The following PPP6R3 variants were observed in gnomAD, a reference collection of about 807,000 sequenced individuals.
PPP6R3 encodes the protein protein phosphatase 6 regulatory subunit 3.
In PPP6R3, 38 loss-of-function variants were observed where a neutral mutation model predicts 110.7. That is an observed-to-expected ratio of 0.34 (90% confidence interval 0.26 to 0.45). PPP6R3 has a LOEUF of 0.45. Among genes scored for constraint, PPP6R3 ranks in the 20% least tolerant of loss-of-function variants. The probability of loss-of-function intolerance (pLI) is 1.00; values close to 1 mark genes in which losing one functional copy is unlikely to be tolerated. For missense variants in PPP6R3, 870 were observed against 1,062.4 expected, an observed-to-expected ratio of 0.82 and a Z score of 2.52; for synonymous variants, 369 against 373.5, an observed-to-expected ratio of 0.99 and a Z score of 0.14.
intron 2 of PPP6R3, among the ~76,000 whole-genome samples, chr11:68,521,385 T>G (rs2099163551): frequency 6.6e-6 from 1 of 152,224 alleles, no homozygotes; most frequent in Non-Finnish European, 1.5e-5. Flanking sequence ...ATTTGAGACT[T>G]TCCTTCTCTC....
chr11:68,493,845 G>A (rs545818713), intron 1 of PPP6R3, among the ~76,000 whole-genome samples: 5 of 151,568 alleles, frequency 3.3e-5, no homozygotes, highest in Non-Finnish European at 5.9e-5. Flanking sequence ...GCTCCTGCCT[G>A]TAATCTCAGC....
intron 1 of PPP6R3, among the ~76,000 whole-genome samples, chr11:68,481,949 G>A (rs2098916440): frequency 6.6e-6 from 1 of 152,128 alleles, no homozygotes; most frequent in South Asian, 2.1e-4. Context: ...GGCCATAGCG[G>A]TTAGGAAGAG....
chr11:68,490,583 T>G (rs115794859), intron 1 of PPP6R3, among the ~76,000 whole-genome samples: 189 of 152,274 alleles, frequency 1.2e-3, no homozygotes, highest in African/African-American at 4.2e-3. Context: ...CCATCACATA[T>G]GTTATACCTT....
At chr11:68,589,771 A>G (rs950847445) in intron 16 of PPP6R3, among the ~76,000 whole-genome samples, 2 of 152,228 alleles carry the variant, frequency 1.3e-5, no homozygotes, top group African/African-American at 4.8e-5. Flanking sequence ...GTGAGAAGCT[A>G]AAATATTTTT....
chr11:68,571,214 C>T (rs1396952170), intron 12 of PPP6R3, 110 bp downstream of exon 12: 2 of 1,328,280 alleles, frequency 1.5e-6, no homozygotes, highest in East Asian at 5.6e-5. Flanking sequence ...TGATACTGGC[C>T]ATTTTACAAT....
At chr11:68,570,969 A>G in intron 11 of PPP6R3, 71 bp from the exon 12 acceptor site, 2 of 1,522,532 alleles carry the variant, frequency 1.3e-6, no homozygotes, top group Non-Finnish European at 1.8e-6. Flanking sequence ...TCTTTAACCT[A>G]GAGTTCTGTT....
chr11:68,511,113 G>T (rs900068317), intron 1 of PPP6R3, among the ~76,000 whole-genome samples: 2 of 151,168 alleles, frequency 1.3e-5, no homozygotes, highest in Non-Finnish European at 2.9e-5. Context: ...TGTCGCCCAG[G>T]CTGGAGTGCA....
At chr11:68,568,850 C>T (rs1198333495) in intron 10 of PPP6R3, among the ~76,000 whole-genome samples, 9 of 151,996 alleles carry the variant, frequency 5.9e-5, no homozygotes, top group African/African-American at 1.7e-4. Context: ...CTGCAAGCTC[C>T]GCCTCCTGGG....
rs546160499 is a variant in PPP6R3, at chr11:68,609,351, C to T, written c.2451-553C>T. 153 of 652,442 alleles carry T rather than the reference C, an allele frequency of 2.3e-4. 1 individual carries two copies. The highest frequency in any genetic ancestry group is 3.7e-4 in the Non-Finnish European group (132 of 360,668). 40.4% of individuals were successfully genotyped at this position (652,442 alleles called of 1,614,324 possible). On this transcript the variant is annotated intron_variant, in intron 22 of 23. Coordinates refer to ENST00000393800, the MANE Select transcript of PPP6R3 (RefSeq NM_001164161.2). ...GCCGTGAAATCCGATGCAGTCAACA[C>T]GGTGACCTCATGTGACTGAGGCTTC...
chr11:68,588,466 C>CT (rs940970123), intron 16 of PPP6R3, among the ~76,000 whole-genome samples: 13 of 151,776 alleles, frequency 8.6e-5, no homozygotes, highest in Admixed American at 5.3e-4. Flanking sequence ...GACGTGGTCC[C>CT]TTTTTTTTGG....
chr11:68,463,355 G>GAAAAAAAAAAAAAAA lies in PPP6R3; in HGVS notation c.-158+2536_-158+2550dup, dbSNP rs1156285158. Among the ~76,000 whole-genome samples the GAAAAAAAAAAAAAAA allele has an allele frequency of 2.1e-3, 115 of 54,556 alleles. 7 individuals are homozygous for GAAAAAAAAAAAAAAA. The highest frequency in any genetic ancestry group is 4.5e-3 in the East Asian group (7 of 1,548). 35.8% of individuals were successfully genotyped at this position (54,556 alleles called of 152,430 possible). On this transcript the variant is annotated intron_variant, in intron 1 of 23. Transcript: ENST00000393800. ...GGAGACAGAGCGAGACTCAGTCTCAGAAAAAAAAAAAAAAAAAAAAAAGAT... is the reference window on the plus strand; with the variant it reads ...GGAGACAGAGCGAGACTCAGTCTCAGAAAAAAAAAAAAAAAAAAAAAAAAAAAAAAAAAAAAAGAT...
At chr11:68,523,997 C>G (rs2099181370) in intron 2 of PPP6R3, among the ~76,000 whole-genome samples, 1 of 152,132 alleles carries the variant, frequency 6.6e-6, no homozygotes, top group Admixed American at 6.5e-5. Context: ...AGCTCCATGT[C>G]AGCCCAAATG....
At chr11:68,475,883 G>A (rs1238610282) in intron 1 of PPP6R3, among the ~76,000 whole-genome samples, 15 of 150,058 alleles carry the variant, frequency 1.0e-4, no homozygotes, top group East Asian at 2.0e-4. Flanking sequence ...GGGCAGAGGC[G>A]CTCTCCACAT....
intron 1 of PPP6R3, among the ~76,000 whole-genome samples, chr11:68,516,603 C>T (rs1301218899): frequency 6.6e-6 from 1 of 152,208 alleles, no homozygotes; most frequent in African/African-American, 2.4e-5. Context: ...TGTTGATGGA[C>T]ACTTGGGTTG....
chr11:68,510,495 T>C (rs1215191539), intron 1 of PPP6R3, among the ~76,000 whole-genome samples: 1 of 152,026 alleles, frequency 6.6e-6, no homozygotes, highest in Non-Finnish European at 1.5e-5. Flanking sequence ...CTACCATGCT[T>C]GGCTGATTTT....
rs1437063709 is a variant in PPP6R3, at chr11:68,508,532, A to C, written c.-157-10969A>C. Among the ~76,000 whole-genome samples, 76 of 152,316 alleles carry C rather than the reference A, an allele frequency of 5.0e-4. No individual in the cohort carries two copies. In the South Asian group the frequency reaches 0.014, roughly 29 times the overall value. On this transcript the variant is annotated intron_variant, in intron 1 of 23. Transcript: ENST00000393800. ...AACAGGGATGATAATAATAGGATGG[A>C]AAAGTACTTGCACAGTGCCAGCGCA... is the stretch of plus-strand genomic sequence containing the variant.
chr11:68,499,824 C>T (rs2099038833), intron 1 of PPP6R3, among the ~76,000 whole-genome samples: 2 of 152,096 alleles, frequency 1.3e-5, no homozygotes, highest in African/African-American at 2.4e-5. Context: ...CCTCCCACCT[C>T]GGCCCTCCAA....
chr11:68,612,566 T>G (rs1944061565), intron 23 of PPP6R3, among the ~76,000 whole-genome samples: 1 of 151,356 alleles, frequency 6.6e-6, no homozygotes, highest in Admixed American at 6.6e-5. Context: ...GTTCTTCAAG[T>G]GGACACCTTT....
In PPP6R3 at chr11:68,614,439, T is replaced by G; in HGVS notation, c.*1322T>G. Reference sequence around the variant, plus strand: ...AGTTTTTCATTTCTGTAATAGAAAATTATTCACGTATTTTTACATCATTTG... The same window carrying G: ...AGTTTTTCATTTCTGTAATAGAAAAGTATTCACGTATTTTTACATCATTTG... On this transcript the variant is annotated 3_prime_UTR_variant, in exon 24 of 24. Coordinates refer to ENST00000393800, the MANE Select transcript of PPP6R3 (RefSeq NM_001164161.2). 7.5e-7 allele frequency: 1 copy of G among 1,337,634 alleles called. No individual in the cohort carries two copies. The highest frequency in any genetic ancestry group is 9.5e-7 in the Non-Finnish European group (1 of 1,048,346). 82.9% of individuals were successfully genotyped at this position (1,337,634 alleles called of 1,614,324 possible). A position where few individuals can be genotyped will look rare whatever the true frequency, so the allele number is the denominator to read the frequency against.
Sources: allele counts gnomAD v4.1 joint callset (sites outside exome capture counted in the v4.1 genomes callset), GRCh38; gene constraint gnomAD v4.1.1; transcripts MANE v1.5; gene names NCBI Gene and HGNC (gene_info 2026-07-23, HGNC 2026-07-21).